EML6: variants seen among roughly 807,000 people sequenced by gnomAD.
The protein encoded by EML6 is echinoderm microtubule-associated protein-like 6.
A neutral mutation model predicts 240.1 loss-of-function variants in EML6; 154 were observed. The ratio of observed to expected loss-of-function variants is 0.64; its 90% CI spans 0.56 to 0.73. EML6 has a LOEUF of 0.73. Ranked by LOEUF, EML6 falls within the 30% of genes least tolerant of loss-of-function variation. The pLI, the probability that EML6 is intolerant of heterozygous loss-of-function variation, is 0.00. For missense variants in EML6, 2,964 were observed against 2,474.6 expected, an observed-to-expected ratio of 1.20 and a Z score of -4.20; for synonymous variants, 1,148 against 899.0, an observed-to-expected ratio of 1.28 and a Z score of -4.95.
In EML6 at chr2:54,894,896, C is replaced by G. The variant is rs769712611; in HGVS notation, c.2743-19C>G. Reference sequence around the variant, plus strand: ...TCATTTTGATGTGTATATAATACCTCTCATGTGTGCCTTCACAGGGCTTTG... The same window carrying G: ...TCATTTTGATGTGTATATAATACCTGTCATGTGTGCCTTCACAGGGCTTTG... On this transcript the variant is annotated intron_variant, in intron 19 of 41. Coordinates refer to ENST00000356458, the MANE Select transcript of EML6 (RefSeq NM_001039753.4). 6.6e-6 allele frequency: 10 copies of G among 1,520,584 alleles called. No homozygotes were observed. The highest frequency in any genetic ancestry group is 2.8e-5 in the African/African-American group (2 of 72,456). 94.2% of individuals were successfully genotyped at this position (1,520,584 alleles called of 1,614,324 possible).
At chr2:54,825,666 G>T (rs573718254) in intron 5 of EML6, among the ~76,000 whole-genome samples, 2 of 152,254 alleles carry the variant, frequency 1.3e-5, no homozygotes, top group East Asian at 3.9e-4. Context: ...ATCCGATTTG[G>T]TCCTTCATTG....
chr2:54,906,298 ATAGGCCCTGTG>A (rs1326527609), intron 24 of EML6, among the ~76,000 whole-genome samples: 1 of 152,064 alleles, frequency 6.6e-6, no homozygotes, highest in Non-Finnish European at 1.5e-5. Flanking sequence ...CTGCAAATGT[ATAGGCCCTGTG>A]TCAGATGGTG....
At chr2:54,944,117 C>A (rs1403197627) in intron 28 of EML6, among the ~76,000 whole-genome samples, 1 of 152,022 alleles carries the variant, frequency 6.6e-6, no homozygotes, top group Non-Finnish European at 1.5e-5. Flanking sequence ...ACCATCTACC[C>A]TCTCTCTTAA....
chr2:54,859,836 GATA>G, intron 12 of EML6, 135 bp downstream of exon 12: 1 of 694,898 alleles, frequency 1.4e-6, no homozygotes. Flanking sequence ...AAAATTTTAA[GATA>G]AGAAGAAACT....
chr2:54,955,513 T>C (rs947019789), intron 32 of EML6, among the ~76,000 whole-genome samples: 11 of 152,142 alleles, frequency 7.2e-5, no homozygotes, highest in Admixed American at 3.3e-4. Context: ...GGACAGAAAT[T>C]GCTTCATTAT....
At chr2:54,738,560 C>T (rs76949049) in intron 2 of EML6, among the ~76,000 whole-genome samples, 12,076 of 152,246 alleles carry the variant, frequency 0.079, 618 homozygotes, top group Non-Finnish European at 0.11. Context: ...GCACCTCATG[C>T]CCTTTTCCAG....
chr2:54,910,530 G>A (rs1443374246), intron 24 of EML6, among the ~76,000 whole-genome samples: 1 of 152,202 alleles, frequency 6.6e-6, no homozygotes, highest in Non-Finnish European at 1.5e-5. Context: ...AAGTAAATGT[G>A]AATGCTCACA....
chr2:54,886,447 G>T (rs1413229009), intron 17 of EML6, among the ~76,000 whole-genome samples: 1 of 152,088 alleles, frequency 6.6e-6, no homozygotes, highest in Non-Finnish European at 1.5e-5. Flanking sequence ...TGGGATTACA[G>T]GTGTGCGCCA....
chr2:54,886,160 C>CTTTTTTTTT (rs869107962), intron 17 of EML6, among the ~76,000 whole-genome samples: 4 of 82,216 alleles, frequency 4.9e-5, no homozygotes, highest in Non-Finnish European at 7.2e-5. Flanking sequence ...TTTTAACCTT[C>CTTTTTTTTT]TTTTTTTTTT....
intron 2 of EML6, among the ~76,000 whole-genome samples, chr2:54,762,673 T>C (rs1267793555): frequency 1.3e-5 from 2 of 152,216 alleles, no homozygotes; most frequent in Non-Finnish European, 2.9e-5. Context: ...CCAGGGCCAA[T>C]AGGAACTCCA....
chr2:54,820,621 C>G (rs952013762), intron 5 of EML6, among the ~76,000 whole-genome samples, 159 bp downstream of exon 5: 6 of 152,220 alleles, frequency 3.9e-5, no homozygotes, highest in African/African-American at 1.4e-4. Flanking sequence ...AAACTAACAT[C>G]AGCTGATGGG....
intron 41 of EML6, 37 bp from the exon 42 acceptor site, chr2:54,970,034 C>T (rs749824129): frequency 3.9e-6 from 6 of 1,551,000 alleles, no homozygotes; most frequent in Admixed American, 2.0e-5. Context: ...GTATGATGTC[C>T]AGCTATGCAA....
chr2:54,772,703 G>A (rs1332472548), intron 2 of EML6, among the ~76,000 whole-genome samples: 1 of 152,182 alleles, frequency 6.6e-6, no homozygotes, highest in Non-Finnish European at 1.5e-5. Context: ...CAGGAGACTT[G>A]TGCATGGTTA....
chr2:54,839,493 G>A (rs911994500), intron 7 of EML6, among the ~76,000 whole-genome samples: 1 of 152,214 alleles, frequency 6.6e-6, no homozygotes, highest in East Asian at 1.9e-4. Flanking sequence ...GTTGCTCTCT[G>A]AGAGAAAATG....
At chr2:54,785,557 C>T (rs1669045620) in intron 2 of EML6, among the ~76,000 whole-genome samples, 1 of 152,126 alleles carries the variant, frequency 6.6e-6, no homozygotes, top group African/African-American at 2.4e-5. Context: ...GTACAGTGTG[C>T]ACTATAGTTA....
At chr2:54,796,232 C>T (rs1315116621) in intron 2 of EML6, among the ~76,000 whole-genome samples, 1 of 152,158 alleles carries the variant, frequency 6.6e-6, no homozygotes, top group Non-Finnish European at 1.5e-5. Flanking sequence ...AAGAAATCTC[C>T]TTGGGAATAA....
chr2:54,791,074 T>C lies in EML6; in HGVS notation c.198-22158T>C, dbSNP rs1156318930. ...AGCAAACAGTCACAGGCCTAAGTTA[T>C]TGCATTATCACCATTCAGCATTTCT... is the stretch of plus-strand genomic sequence containing the variant. On this transcript the variant is annotated intron_variant, in intron 2 of 41. Transcript: ENST00000356458. Among the ~76,000 whole-genome samples the C allele has an allele frequency of 3.3e-5, 5 of 152,318 alleles. No homozygotes were observed. In the South Asian group the frequency reaches 6.2e-4, roughly 19 times the overall value.
At chr2:54,850,775 G>A (rs1248616952) in intron 10 of EML6, among the ~76,000 whole-genome samples, 1 of 152,222 alleles carries the variant, frequency 6.6e-6, no homozygotes, top group African/African-American at 2.4e-5. Flanking sequence ...TGCGCACAAG[G>A]ATGTTTGTGA....
At chr2:54,938,864 G>A (rs182248843) in intron 28 of EML6, among the ~76,000 whole-genome samples, 3 of 152,216 alleles carry the variant, frequency 2.0e-5, no homozygotes, top group South Asian at 4.1e-4. Flanking sequence ...TTTGGTTTCC[G>A]TATTATCTCA....
Sources: allele counts gnomAD v4.1 joint callset (sites outside exome capture counted in the v4.1 genomes callset), GRCh38; gene constraint gnomAD v4.1.1; transcripts MANE v1.5; gene names NCBI Gene and HGNC (gene_info 2026-07-23, HGNC 2026-07-21).